RBP7: variants seen among roughly 807,000 people sequenced by gnomAD.
RBP7 encodes the protein retinoid-binding protein 7.
Under a neutral mutation model 16.7 loss-of-function variants are expected in RBP7, and 13 were observed. The observed-to-expected ratio is 0.78, with a 90% CI of 0.51 to 1.24. The LOEUF is 1.24. RBP7 is among the 50% of genes most tolerant of loss of function. RBP7 has a pLI of 0.00. For synonymous variants in RBP7, 54 were observed against 56.2 expected (o/e 0.96, Z 0.17); for missense variants, 145 against 159.5 (o/e 0.91, Z 0.49).
intron 3 of RBP7, among the ~76,000 whole-genome samples, chr1:10,014,021 T>C (rs557121022): frequency 6.6e-6 from 1 of 151,678 alleles, no homozygotes; most frequent in Non-Finnish European, 1.5e-5. Flanking sequence ...AAAAAAAAGA[T>C]CTTTTGTGTG....
At position 10,007,880 on chromosome 1, in the gene RBP7, C is replaced by G. The variant is rs1356555408; in HGVS notation, c.252+132C>G. On this transcript the variant is annotated intron_variant, in intron 2 of 3. Coordinates refer to ENST00000294435, the MANE Select transcript of RBP7 (RefSeq NM_052960.3). Reference sequence around the variant, plus strand: ...TGGGCAACACGGCAAAACCCTGTCTCTACAGAAAAAAATTCAAAAAGTAGG... The same window carrying G: ...TGGGCAACACGGCAAAACCCTGTCTGTACAGAAAAAAATTCAAAAAGTAGG... 75 of 826,378 alleles carry G rather than the reference C, an allele frequency of 9.1e-5. No individual in the cohort carries two copies. In the East Asian group the frequency reaches 2.0e-3, roughly 22 times the overall value. The allele number at this position is 826,378 out of a possible 1,614,324, so 51.2% of individuals were successfully genotyped here. A position where few individuals can be genotyped will look rare whatever the true frequency, so the allele number is the denominator to read the frequency against.
At chr1:10,006,294 C>T (rs942249598) in intron 1 of RBP7, among the ~76,000 whole-genome samples, 1 of 151,980 alleles carries the variant, frequency 6.6e-6, no homozygotes, top group African/African-American at 2.4e-5. Flanking sequence ...ATTGCTTGAG[C>T]CCAAGAGTTC....
At chr1:10,008,544 G>A (rs138897380) in intron 3 of RBP7, among the ~76,000 whole-genome samples, 2,416 of 151,138 alleles carry the variant, frequency 0.016, 59 homozygotes, top group African/African-American at 0.041. Flanking sequence ...GGGTCCAAGC[G>A]ATTCTCCTGC....
chr1:10,010,616 C>G (rs1385031070), intron 3 of RBP7, among the ~76,000 whole-genome samples: 2 of 148,790 alleles, frequency 1.3e-5, no homozygotes, highest in African/African-American at 5.0e-5. Context: ...CGGAGTTTCG[C>G]TCTTGTTGCC....
In RBP7 at chr1:10,007,820, G is replaced by T. The variant is rs181377733; in HGVS notation, c.252+72G>T. ...CTAACACTTTGGGAGGCCAACGCAG[G>T]CGGACCACCTGAGGTCAGTAGTTTG... On this transcript the variant is annotated intron_variant, in intron 2 of 3. Coordinates refer to ENST00000294435, the MANE Select transcript of RBP7 (RefSeq NM_052960.3). The T allele has an allele frequency of 4.4e-5, 62 of 1,395,200 alleles. No individual in the cohort carries two copies. In the East Asian group the frequency reaches 1.4e-3, roughly 31 times the overall value. 86.4% of individuals were successfully genotyped at this position (1,395,200 alleles called of 1,614,324 possible).
At position 10,007,588 on chromosome 1, in the gene RBP7, G is replaced by C; in HGVS notation, c.92G>C (p.Arg31Pro). The C allele has an allele frequency of 6.2e-7, 1 of 1,609,672 alleles. No individual in the cohort carries two copies. The highest frequency in any genetic ancestry group is 1.1e-5 in the South Asian group (1 of 89,804). The part of the protein sequence containing the change: ...MLALGIDFAT[R>P]KIAKLLKPQK... Reference sequence around the variant, plus strand: ...TTTTAAGGTATTGACTTTGCCACTCGTAAAATAGCCAAGTTGCTGAAGCCA... The same window carrying C: ...TTTTAAGGTATTGACTTTGCCACTCCTAAAATAGCCAAGTTGCTGAAGCCA... Residue 31 changes from arginine to proline, a missense_variant, in exon 2 of 4, where the codon CGT (arginine) becomes CCT (proline). Physicochemically the swap from Arg to Pro is moderately radical, Grantham distance 103. Coordinates refer to ENST00000294435, the MANE Select transcript of RBP7 (RefSeq NM_052960.3).
intron 1 of RBP7, among the ~76,000 whole-genome samples, chr1:10,002,325 C>T (rs1300123611): frequency 1.3e-5 from 2 of 151,806 alleles, no homozygotes; most frequent in Non-Finnish European, 2.9e-5. Context: ...GCTGTTCCCT[C>T]CTACTCGAAT....
At chr1:10,008,077 A>T in intron 2 of RBP7, 96 bp from the exon 3 acceptor site, 2 of 732,284 alleles carry the variant, frequency 2.7e-6, no homozygotes, top group Non-Finnish European at 4.7e-6. Flanking sequence ...AGCAGTAAGT[A>T]GGCTGTTGAT....
chr1:10,007,448 C>CGT, intron 1 of RBP7, 122 bp from the exon 2 acceptor site: 1 of 754,698 alleles, frequency 1.3e-6, no homozygotes, highest in Non-Finnish European at 2.1e-6. Flanking sequence ...TGGCAGCAAA[C>CGT]AACATAGAAG....
At position 9,998,407 on chromosome 1, in the gene RBP7, CTTT is replaced by C. The variant is rs772810621; in HGVS notation, c.73+1092_73+1094del. On this transcript the variant is annotated intron_variant, in intron 1 of 3. Transcript: ENST00000294435. ...TCTTTTTTTCTTTCTTTCTTTCTTT[CTTT>C]TTTTTTTTTTTTTTTGAGACGGAGT... is the stretch of plus-strand genomic sequence containing the variant. Among the ~76,000 whole-genome samples the C allele has an allele frequency of 5.1e-3, 615 of 121,574 alleles. 19 individuals are homozygous for C. Among genetic ancestry groups the C allele is most frequent in the Admixed American group, 0.039 (450 of 11,630 alleles). 79.8% of individuals were successfully genotyped at this position (121,574 alleles called of 152,430 possible).
intron 3 of RBP7, among the ~76,000 whole-genome samples, chr1:10,009,211 A>G (rs1471077331): frequency 2.0e-5 from 3 of 152,086 alleles, no homozygotes; most frequent in Admixed American, 6.6e-5. Context: ...GGAGATCAAG[A>G]TCATCCTGGC....
Position 10,008,253 on chromosome 1 carries a change from C to A in RBP7, c.333C>A (p.Ile111=), listed in dbSNP as rs752820865. The change falls in exon 3 of 4, where the codon ATC becomes ATA. Residue 111 remains isoleucine (I), a synonymous_variant. Transcript: ENST00000294435. ...EKKNRGWTHW[I]EGDKLHLEMF... ...AGAACAGAGGCTGGACCCATTGGAT[C>A]GAAGGAGACAAACTCCACCTGGTAT... The A allele has an allele frequency of 2.5e-6, 4 of 1,609,748 alleles. No individual in the cohort carries two copies. Among genetic ancestry groups the A allele is most frequent in the Middle Eastern group, 3.3e-4 (2 of 6,052 alleles).
At chr1:10,015,448 CAAAAA>C (rs372218937) in intron 3 of RBP7, among the ~76,000 whole-genome samples, 1 of 94,758 alleles carries the variant, frequency 1.1e-5, no homozygotes. Flanking sequence ...GACTCCATCT[CAAAAA>C]AAAAAAAAAA....
rs776792593 is a variant in RBP7, at chr1:9,997,250, T to C, written c.-9T>C. 6.4e-7 allele frequency: 1 copy of C among 1,557,810 alleles called. No homozygotes were observed. The highest frequency in any genetic ancestry group is 2.5e-5 in the East Asian group (1 of 40,376). ...GCCGCCCGCCGGGTTTGTCCCGCGA[T>C]CCCCGACCATGCCCGCCGACCTCAG... On this transcript the variant is annotated 5_prime_UTR_variant, in exon 1 of 4. Coordinates refer to ENST00000294435, the MANE Select transcript of RBP7 (RefSeq NM_052960.3). This position sits in a 1 kb window ranked among gnomAD's most constrained non-coding sequence, Gnocchi z 5.9.
At chr1:10,015,488 C>A (rs887640600) in intron 3 of RBP7, among the ~76,000 whole-genome samples, 3 of 151,178 alleles carry the variant, frequency 2.0e-5, no homozygotes, top group Non-Finnish European at 4.4e-5. Flanking sequence ...CAGTGGCAAC[C>A]CTGTCCCTAC....
chr1:10,009,269 G>C (rs973171190), intron 3 of RBP7, among the ~76,000 whole-genome samples: 8 of 152,080 alleles, frequency 5.3e-5, no homozygotes, highest in African/African-American at 1.9e-4. Context: ...AATTAGCTGG[G>C]CATGGTGGCA....
At position 10,015,807 on chromosome 1, in the gene RBP7, GCAAA is replaced by G. The variant is rs749294105; in HGVS notation, c.383_386del (p.Lys128ArgfsTer28). The G allele has an allele frequency of 1.7e-5, 28 of 1,614,134 alleles. No individual in the cohort carries two copies. In the South Asian group the frequency reaches 2.3e-4, roughly 13 times the overall value. On this transcript the variant is annotated frameshift_variant, in exon 4 of 4. Transcript: ENST00000294435. LOFTEE classifies it high-confidence loss of function. ...GAAATGTTCTGTGAAGGTCAAGTGTGCAAACAGACATTCCAGAGAGCCTGATCCA... is the reference window on the plus strand; with the variant it reads ...GAAATGTTCTGTGAAGGTCAAGTGTGCAGACATTCCAGAGAGCCTGATCCA...
chr1:10,005,517 T>C (rs1399839944), intron 1 of RBP7, among the ~76,000 whole-genome samples: 1 of 151,982 alleles, frequency 6.6e-6, no homozygotes, highest in Non-Finnish European at 1.5e-5. Context: ...AATTTTTTCT[T>C]AGGATGAGGA....
At chr1:10,003,069 C>A (rs146042704) in intron 1 of RBP7, among the ~76,000 whole-genome samples, 7 of 152,248 alleles carry the variant, frequency 4.6e-5, no homozygotes, top group Admixed American at 2.0e-4. Context: ...GAGTTAGCAC[C>A]CCTTTCCATG....
Sources: allele counts gnomAD v4.1 joint callset (sites outside exome capture counted in the v4.1 genomes callset), GRCh38; gene constraint gnomAD v4.1.1; non-coding constraint Gnocchi (gnomAD v3.1); transcripts MANE v1.5; gene names NCBI Gene and HGNC (gene_info 2026-07-23, HGNC 2026-07-21).